EYS: variants seen among roughly 807,000 people sequenced by gnomAD.
EYS encodes protein eyes shut homolog.
A neutral mutation model predicts 282.1 loss-of-function variants in EYS; 250 were observed. The ratio of observed to expected loss-of-function variants is 0.89; its 90% CI spans 0.80 to 0.98. EYS has a LOEUF of 0.98. Ranked by LOEUF, EYS falls within the 50% of genes least tolerant of loss-of-function variation. The pLI is 0.00. For missense variants in EYS, 4,016 were observed against 3,709.0 expected (o/e 1.08, Z -2.15); for synonymous variants, 1,355 against 1,282.9 (o/e 1.06, Z -1.20).
chr6:65,656,271 G>A (rs988277641), intron 1 of EYS, among the ~76,000 whole-genome samples: 1 of 151,842 alleles, frequency 6.6e-6, no homozygotes, highest in African/African-American at 2.4e-5. Flanking sequence ...GAAAGGAAGA[G>A]TAGCACATCT....
intron 12 of EYS, among the ~76,000 whole-genome samples, chr6:65,100,434 A>C (rs1774863080): frequency 6.6e-6 from 1 of 150,888 alleles, no homozygotes; most frequent in African/African-American, 2.4e-5. Flanking sequence ...CATTCAAAGA[A>C]TAAAAAAGAA....
intron 1 of EYS, among the ~76,000 whole-genome samples, chr6:65,649,656 C>T (rs1002195849): frequency 6.6e-6 from 1 of 151,990 alleles, no homozygotes; most frequent in Non-Finnish European, 1.5e-5. Flanking sequence ...TTTATTAGAC[C>T]ATTGATGAGT....
intron 12 of EYS, among the ~76,000 whole-genome samples, chr6:65,264,733 T>C (rs988744727): frequency 3.3e-5 from 5 of 152,106 alleles, no homozygotes; most frequent in African/African-American, 1.2e-4. Flanking sequence ...AGGTATCATA[T>C]TGATAACAAT....
At chr6:65,657,311 G>C (rs1767861157) in intron 1 of EYS, among the ~76,000 whole-genome samples, 1 of 151,728 alleles carries the variant, frequency 6.6e-6, no homozygotes, top group African/African-American at 2.4e-5. Flanking sequence ...AATTTCATAA[G>C]GCTACAGATG....
intron 31 of EYS, among the ~76,000 whole-genome samples, chr6:64,139,756 G>T (rs1417615947): frequency 6.6e-6 from 1 of 152,020 alleles, no homozygotes; most frequent in Non-Finnish European, 1.5e-5. Flanking sequence ...GGATCACGAA[G>T]TCAGGAGTTC....
intron 35 of EYS, among the ~76,000 whole-genome samples, chr6:63,880,072 A>C (rs1029725985): frequency 6.6e-6 from 1 of 152,198 alleles, no homozygotes; most frequent in Non-Finnish European, 1.5e-5. Context: ...TATTTAGGGC[A>C]TGAGCATGGT....
intron 5 of EYS, among the ~76,000 whole-genome samples, chr6:65,440,004 T>G (rs1768248302): frequency 6.6e-6 from 1 of 152,000 alleles, no homozygotes; most frequent in Non-Finnish European, 1.5e-5. Flanking sequence ...GAGGAGGTGT[T>G]TCAGACAAAT....
intron 31 of EYS, among the ~76,000 whole-genome samples, chr6:64,114,954 T>A (rs1451069590): frequency 6.6e-6 from 1 of 152,130 alleles, no homozygotes; most frequent in Non-Finnish European, 1.5e-5. Flanking sequence ...TACATGCCCC[T>A]GACCCTGGAG....
chr6:64,359,970 G>A (rs1284013527), intron 29 of EYS, among the ~76,000 whole-genome samples: 31 of 151,568 alleles, frequency 2.0e-4, no homozygotes, highest in Admixed American at 1.5e-3. Flanking sequence ...TCACTATTTG[G>A]AAAATTGTAA....
intron 30 of EYS, among the ~76,000 whole-genome samples, chr6:64,243,484 C>T (rs565754639): frequency 2.6e-5 from 4 of 152,200 alleles, no homozygotes; most frequent in Admixed American, 2.0e-4. Flanking sequence ...TCCTGAGGTC[C>T]CCTTGGGTGT....
rs1771924157 is a variant in EYS, at chr6:63,840,308, C to A, written c.7228+23878G>T. Among the ~76,000 whole-genome samples, 4 of 151,828 alleles carry A rather than the reference C, an allele frequency of 2.6e-5. No homozygotes were observed. In the South Asian group the frequency reaches 8.3e-4, roughly 31 times the overall value. ...CTCCATCTCTTGACCTCGTGATTCA[C>A]CTGCCTCGGCCTCCCAAAGTGCTGG... On this transcript the variant is annotated intron_variant, in intron 36 of 42. Coordinates refer to ENST00000503581, the MANE Select transcript of EYS (RefSeq NM_001142800.2).
intron 2 of EYS, among the ~76,000 whole-genome samples, chr6:65,520,702 A>G (rs564540932): frequency 6.6e-6 from 1 of 152,100 alleles, no homozygotes; most frequent in African/African-American, 2.4e-5. Flanking sequence ...GGAATAGACT[A>G]GAATAACTAT....
intron 33 of EYS, among the ~76,000 whole-genome samples, chr6:64,016,584 T>G (rs887672237): frequency 6.6e-6 from 1 of 151,276 alleles, no homozygotes; most frequent in Non-Finnish European, 1.5e-5. Context: ...CATGCAATCC[T>G]CCTGCCTCAG....
At chr6:64,256,661 G>C (rs2150350925) in intron 30 of EYS, among the ~76,000 whole-genome samples, 1 of 152,158 alleles carries the variant, frequency 6.6e-6, no homozygotes, top group African/African-American at 2.4e-5. Flanking sequence ...GGGCCTGCCT[G>C]TATGATGCCT....
intron 26 of EYS, among the ~76,000 whole-genome samples, chr6:64,572,354 G>C (rs1765753395): frequency 6.6e-6 from 1 of 152,134 alleles, no homozygotes; most frequent in South Asian, 2.1e-4. Flanking sequence ...CATTCCCTTT[G>C]AAAACCAGTA....
intron 12 of EYS, among the ~76,000 whole-genome samples, chr6:65,101,876 T>C (rs1014713134): frequency 2.0e-5 from 3 of 151,280 alleles, no homozygotes; most frequent in African/African-American, 7.3e-5. Context: ...TTAGCATTAG[T>C]GCTCGCTATC....
chr6:65,140,343 A>C (rs1006049483), intron 12 of EYS, among the ~76,000 whole-genome samples: 4 of 152,026 alleles, frequency 2.6e-5, no homozygotes, highest in African/African-American at 9.7e-5. Context: ...ATAGAAAATA[A>C]ACTGAAAAAA....
chr6:65,469,754 A>G (rs1035904158), intron 5 of EYS, among the ~76,000 whole-genome samples: 7 of 152,076 alleles, frequency 4.6e-5, no homozygotes, highest in South Asian at 4.1e-4. Context: ...AAACTTCAAC[A>G]TATCTCTCAC....
intron 11 of EYS, chr6:65,331,185 C>T: frequency 2.4e-6 from 2 of 846,396 alleles, no homozygotes; most frequent in Non-Finnish European, 2.8e-6. Flanking sequence ...TCTAAAATAA[C>T]TTGCAATATT....
Sources: allele counts gnomAD v4.1 joint callset (sites outside exome capture counted in the v4.1 genomes callset), GRCh38; gene constraint gnomAD v4.1.1; transcripts MANE v1.5; gene names NCBI Gene and HGNC (gene_info 2026-07-23, HGNC 2026-07-21).